GLTP: variants seen among roughly 807,000 people sequenced by gnomAD.
GLTP encodes glycolipid transfer protein.
In GLTP, 22 loss-of-function variants were observed where a neutral mutation model predicts 24.0. The ratio of observed to expected loss-of-function variants is 0.92; its 90% CI spans 0.65 to 1.31. GLTP has a LOEUF of 1.31. Among genes scored for constraint, GLTP ranks in the 50% most tolerant of loss-of-function variants. The pLI is 0.00. For synonymous variants in GLTP, 92 were observed against 115.9 expected, an observed-to-expected ratio of 0.79 and a Z score of 1.33; for missense variants, 224 against 276.6, an observed-to-expected ratio of 0.81 and a Z score of 1.35.
chr12:109,861,631 C>T lies in GLTP; in HGVS notation c.104-2890G>A, dbSNP rs1592890303. Among the ~76,000 whole-genome samples, 5 of 152,088 alleles carry T rather than the reference C, an allele frequency of 3.3e-5. 1 individual carries two copies. Among genetic ancestry groups the T allele is most frequent in the Admixed American group, 3.3e-4 (5 of 15,268 alleles). ...GGCGTGGTAGCAGGTGCCTGTAGTT[C>T]CAGCTACCCAGGAGGCTGAGACAGG... On this transcript the variant is annotated intron_variant, in intron 1 of 4. Transcript: ENST00000318348.
In GLTP at chr12:109,852,652, T is replaced by C. The variant is rs1449621729; in HGVS notation, c.533A>G (p.Glu178Gly). The C allele has an allele frequency of 6.2e-7, 1 of 1,605,430 alleles. No individual in the cohort carries two copies. Among genetic ancestry groups the C allele is most frequent in the Non-Finnish European group, 8.5e-7 (1 of 1,172,188 alleles). Reference sequence around the variant, plus strand: ...GTTGACTAGGAAGAGGCGGATCTTCTCCAGGCACTCCTCCTCCGTAACATT... The same window carrying C: ...GTTGACTAGGAAGAGGCGGATCTTCCCCAGGCACTCCTCCTCCGTAACATT... ...GQNVTEEECL[E>G]KIRLFLVNYT... Residue 178 changes from glutamate (E) to glycine (G), a missense_variant, in exon 5 of 5, where the codon GAG becomes GGG. Coordinates refer to ENST00000318348, the MANE Select transcript of GLTP (RefSeq NM_016433.4).
chr12:109,867,656 T>C (rs919239913), intron 1 of GLTP, among the ~76,000 whole-genome samples: 1 of 152,210 alleles, frequency 6.6e-6, no homozygotes, highest in Admixed American at 6.5e-5. Flanking sequence ...AAGCCAGCAG[T>C]GACCATATGC....
At position 109,880,434 on chromosome 12, in the gene GLTP, C is replaced by T. The variant is rs1303925987; in HGVS notation, c.-60G>A. The T allele has an allele frequency of 2.7e-6, 2 of 738,662 alleles. No homozygotes were observed. Among genetic ancestry groups the T allele is most frequent in the Non-Finnish European group, 1.9e-6 (1 of 534,684 alleles). 45.8% of individuals were successfully genotyped at this position (738,662 alleles called of 1,614,324 possible). On this transcript the variant is annotated 5_prime_UTR_variant, in exon 1 of 5. Transcript: ENST00000318348. This position sits in a 1 kb window ranked among gnomAD's most constrained non-coding sequence, Gnocchi z 5.1. ...GCGCCGCGGGCGTCGACACCGCCCC[C>T]CCGGCCGCCGCCGTCAGCGCCGGGG...
At chr12:109,865,821 C>T (rs895350147) in intron 1 of GLTP, among the ~76,000 whole-genome samples, 38 of 152,326 alleles carry the variant, frequency 2.5e-4, no homozygotes, top group African/African-American at 8.4e-4. Flanking sequence ...ATTCCAAATA[C>T]AGTAAAGCCT....
At chr12:109,876,326 T>C (rs1010133069) in intron 1 of GLTP, among the ~76,000 whole-genome samples, 9 of 151,882 alleles carry the variant, frequency 5.9e-5, no homozygotes, top group Non-Finnish European at 1.2e-4. Flanking sequence ...CTGGGCAATA[T>C]AACAAGATCC....
rs1892812837 is a variant in GLTP, at chr12:109,857,392, G to T, written c.296+134C>A. On this transcript the variant is annotated intron_variant, in intron 3 of 4. Coordinates refer to ENST00000318348, the MANE Select transcript of GLTP (RefSeq NM_016433.4). The surrounding 1 kb of genome is among the most constrained non-coding windows in gnomAD (Gnocchi z 4.3). ...CTGGCCATTGGGAGGCCTTTTCCCA[G>T]CCATTAACTAGCATCACACTGGAAG... 4 of 999,740 alleles carry T rather than the reference G, an allele frequency of 4.0e-6. No homozygotes were observed. The highest frequency in any genetic ancestry group is 5.9e-6 in the Non-Finnish European group (4 of 674,764). 61.9% of individuals were successfully genotyped at this position (999,740 alleles called of 1,614,324 possible).
intron 1 of GLTP, among the ~76,000 whole-genome samples, chr12:109,870,788 G>A (rs376753367): frequency 2.3e-4 from 35 of 152,246 alleles, no homozygotes; most frequent in African/African-American, 8.4e-4. Context: ...GTGAAGTAAG[G>A]AACTTGGAGG....
intron 1 of GLTP, among the ~76,000 whole-genome samples, chr12:109,876,117 C>G (rs942259455): frequency 2.6e-5 from 4 of 152,044 alleles, no homozygotes; most frequent in African/African-American, 9.7e-5. Flanking sequence ...CTGAGGCGGA[C>G]AGATCACTTG....
At position 109,872,425 on chromosome 12, in the gene GLTP, G is replaced by A. The variant is rs989124429; in HGVS notation, c.103+7847C>T. On this transcript the variant is annotated intron_variant, in intron 1 of 4. Coordinates refer to ENST00000318348, the MANE Select transcript of GLTP (RefSeq NM_016433.4). The stretch of plus-strand genomic sequence containing the variant: ...TGTTTCCTTCCACTCATCTGTCCAC[G>A]GTGTTCAGGGCATGGATGTCAGAGG... 3.9e-5 allele frequency among the ~76,000 whole-genome samples: 6 copies of A among 152,266 alleles called. No homozygotes were observed. In the Middle Eastern group the frequency reaches 0.01, roughly 259 times the overall value.
Position 109,857,806 on chromosome 12 carries a change from A to G in GLTP, c.163-147T>C, listed in dbSNP as rs1178439689. The G allele has an allele frequency of 1.3e-6, 1 of 777,188 alleles. No homozygotes were observed. The highest frequency in any genetic ancestry group is 1.6e-5 in the South Asian group (1 of 62,580). 48.1% of individuals were successfully genotyped at this position (777,188 alleles called of 1,614,324 possible). A position where few individuals can be genotyped will look rare whatever the true frequency, so the allele number is the denominator to read the frequency against. ...AGGGATAAGACTTGTAACAATAACT[A>G]TGACTGTTCACATGAGCCAGGATTT... is the stretch of plus-strand genomic sequence containing the variant. On this transcript the variant is annotated intron_variant, in intron 2 of 4. Transcript: ENST00000318348. This position sits in a 1 kb window ranked among gnomAD's most constrained non-coding sequence, Gnocchi z 4.3.
At chr12:109,871,416 A>G (rs1868718126) in intron 1 of GLTP, among the ~76,000 whole-genome samples, 1 of 152,110 alleles carries the variant, frequency 6.6e-6, no homozygotes, top group Admixed American at 6.6e-5. Flanking sequence ...GCTCATTGAA[A>G]TAATCACATT....
Position 109,858,865 on chromosome 12 carries a change from C to G in GLTP, c.104-124G>C, listed in dbSNP as rs548166102. 5 of 709,020 alleles carry G rather than the reference C, an allele frequency of 7.1e-6. No individual in the cohort carries two copies. The South Asian group carries it at 7.7e-5, about 11-fold the overall frequency. 43.9% of individuals were successfully genotyped at this position (709,020 alleles called of 1,614,324 possible). A position where few individuals can be genotyped will look rare whatever the true frequency, so the allele number is the denominator to read the frequency against. On this transcript the variant is annotated intron_variant, in intron 1 of 4. Coordinates refer to ENST00000318348, the MANE Select transcript of GLTP (RefSeq NM_016433.4). ...GTGTCCCGGGGAGAGCTGAGTTGTT[C>G]TGGATGTTACTAAGGCAGCATGGGC...
chr12:109,868,602 A>G (rs1868616960), intron 1 of GLTP, among the ~76,000 whole-genome samples: 1 of 152,250 alleles, frequency 6.6e-6, no homozygotes, highest in Admixed American at 6.5e-5. Flanking sequence ...GATTCAGGAC[A>G]GAACACACCT....
At chr12:109,875,514 G>A (rs997536569) in intron 1 of GLTP, among the ~76,000 whole-genome samples, 1 of 152,140 alleles carries the variant, frequency 6.6e-6, no homozygotes, top group Admixed American at 6.6e-5. Flanking sequence ...AAGTCTCCAT[G>A]CCCCTGCCCT....
intron 1 of GLTP, among the ~76,000 whole-genome samples, chr12:109,878,379 G>A (rs1045932044): frequency 3.3e-5 from 5 of 152,152 alleles, no homozygotes; most frequent in African/African-American, 1.2e-4. Flanking sequence ...TCTGTGCACT[G>A]TAGGATACTG....
intron 1 of GLTP, among the ~76,000 whole-genome samples, chr12:109,874,638 C>G (rs1035182452): frequency 4.0e-5 from 6 of 150,972 alleles, no homozygotes; most frequent in African/African-American, 1.5e-4. Flanking sequence ...ATAAAGATGC[C>G]GAGGCTGTGT....
At chr12:109,862,460 G>T (rs1868394695) in intron 1 of GLTP, among the ~76,000 whole-genome samples, 1 of 152,180 alleles carries the variant, frequency 6.6e-6, no homozygotes, top group South Asian at 2.1e-4. Context: ...GCTGCCAGGG[G>T]GTGCAAATTC....
intron 1 of GLTP, among the ~76,000 whole-genome samples, chr12:109,870,545 C>A (rs555629880): frequency 5.3e-5 from 8 of 152,002 alleles, no homozygotes; most frequent in African/African-American, 1.9e-4. Context: ...TAAATTATAT[C>A]ATCATCACCT....
chr12:109,877,647 AG>A (rs1868929071), intron 1 of GLTP, among the ~76,000 whole-genome samples: 1 of 152,160 alleles, frequency 6.6e-6, no homozygotes, highest in South Asian at 2.1e-4. Flanking sequence ...CCTGACTTGG[AG>A]GAAACTGTAG....
Sources: allele counts gnomAD v4.1 joint callset (sites outside exome capture counted in the v4.1 genomes callset), GRCh38; gene constraint gnomAD v4.1.1; non-coding constraint Gnocchi (gnomAD v3.1); transcripts MANE v1.5; gene names NCBI Gene and HGNC (gene_info 2026-07-23, HGNC 2026-07-21).